Variants in ATP8B1 observed in about 807,000 individuals in gnomAD.
ATP8B1 encodes ATPase phospholipid transporting 8B1, also known as phospholipid-transporting ATPase IC.
Under a neutral mutation model 149.9 loss-of-function variants are expected in ATP8B1, and 80 were observed. The observed-to-expected ratio is 0.53, with a 90% CI of 0.45 to 0.64. ATP8B1 has a LOEUF of 0.64. ATP8B1 is among the 30% of genes least tolerant of loss of function. The pLI, the probability that ATP8B1 is intolerant of heterozygous loss-of-function variation, is 0.00. For missense variants in ATP8B1, 1,247 were observed against 1,552.6 expected (o/e 0.80, Z 3.31); for synonymous variants, 536 against 562.8 (o/e 0.95, Z 0.67).
intron 1 of ATP8B1, among the ~76,000 whole-genome samples, chr18:57,764,279 C>T (rs1402497650): frequency 1.3e-5 from 2 of 150,596 alleles, no homozygotes; most frequent in African/African-American, 4.9e-5. Flanking sequence ...TCCTTCCTTC[C>T]TTCTTTCTTT....
chr18:57,727,863 G>T (rs1464312925), intron 2 of ATP8B1, among the ~76,000 whole-genome samples: 1 of 152,124 alleles, frequency 6.6e-6, no homozygotes, highest in Non-Finnish European at 1.5e-5. Context: ...CACATGCTGA[G>T]AAGTGTGTTC....
chr18:57,742,826 TAAAA>T (rs35306074), intron 1 of ATP8B1, among the ~76,000 whole-genome samples: 1 of 144,038 alleles, frequency 6.9e-6, no homozygotes, highest in African/African-American at 2.5e-5. Flanking sequence ...CCCATCTCTA[TAAAA>T]AAAAAAAAAA....
At chr18:57,771,866 A>G (rs2080266955) in intron 1 of ATP8B1, among the ~76,000 whole-genome samples, 1 of 152,208 alleles carries the variant, frequency 6.6e-6, no homozygotes, top group Non-Finnish European at 1.5e-5. Flanking sequence ...CATGATAAAT[A>G]CCTGGGAAAA....
chr18:57,699,514 ATCATGAGG>A (rs1352983704), intron 6 of ATP8B1, among the ~76,000 whole-genome samples: 1 of 151,562 alleles, frequency 6.6e-6, no homozygotes, highest in African/African-American at 2.4e-5. Flanking sequence ...AGGTGAGTGG[ATCATGAGG>A]TCAGGAGATT....
chr18:57,733,507 C>G (rs1190925067), intron 1 of ATP8B1, among the ~76,000 whole-genome samples: 1 of 152,012 alleles, frequency 6.6e-6, no homozygotes, highest in East Asian at 1.9e-4. Context: ...GAGATCGAGA[C>G]CATCCTGGCT....
intron 1 of ATP8B1, among the ~76,000 whole-genome samples, chr18:57,756,206 T>TAC (rs558354138): frequency 1.3e-5 from 1 of 79,444 alleles, no homozygotes; most frequent in Non-Finnish European, 2.7e-5. Context: ...TATATATATA[T>TAC]ATATACACAC....
chr18:57,661,140 G>T, intron 22 of ATP8B1, 34 bp downstream of exon 22: 3 of 1,610,174 alleles, frequency 1.9e-6, no homozygotes, highest in Non-Finnish European at 2.5e-6. Context: ...TCTCTAGCAC[G>T]TTGGGCCTCA....
intron 15 of ATP8B1, among the ~76,000 whole-genome samples, chr18:57,677,206 A>G (rs535384518): frequency 6.6e-6 from 1 of 152,302 alleles, no homozygotes; most frequent in Admixed American, 6.5e-5. Flanking sequence ...AGGGGGATTG[A>G]TAATGTTCTT....
chr18:57,701,864 T>C (rs1387863538), intron 4 of ATP8B1, among the ~76,000 whole-genome samples: 2 of 151,670 alleles, frequency 1.3e-5, no homozygotes, highest in Non-Finnish European at 2.9e-5. Flanking sequence ...CCCGGCTAAT[T>C]TTTTTGTATT....
chr18:57,662,636 G>A, intron 20 of ATP8B1, 21 bp from the exon 21 acceptor site: 1 of 1,613,802 alleles, frequency 6.2e-7, no homozygotes, highest in Non-Finnish European at 8.5e-7. Context: ...CCAAATTTCA[G>A]TGTTTAAAGT....
intron 1 of ATP8B1, among the ~76,000 whole-genome samples, chr18:57,761,842 C>T (rs76054405): frequency 0.064 from 9,408 of 147,454 alleles, 610 homozygotes; most frequent in East Asian, 0.26. Flanking sequence ...CCAAGCTGCT[C>T]GGGAGGCTGA....
In ATP8B1 at chr18:57,678,179, C is replaced by T. The variant is rs560593123; in HGVS notation, c.1631-3157G>A. 2.0e-5 allele frequency among the ~76,000 whole-genome samples: 3 copies of T among 152,288 alleles called. No individual in the cohort carries two copies. In the South Asian group the frequency reaches 6.2e-4, roughly 32 times the overall value. On this transcript the variant is annotated intron_variant, in intron 15 of 27. Coordinates refer to ENST00000648908, the MANE Select transcript of ATP8B1 (RefSeq NM_001374385.1). ...AAATTAACTCAGGAACAGAAGACCA[C>T]ATACCTACCACATGTTCTCACTTAA...
At chr18:57,765,519 A>C (rs2080203042) in intron 1 of ATP8B1, among the ~76,000 whole-genome samples, 1 of 152,044 alleles carries the variant, frequency 6.6e-6, no homozygotes, top group African/African-American at 2.4e-5. Context: ...AATACAAAAA[A>C]TTAGCCAGAC....
intron 1 of ATP8B1, among the ~76,000 whole-genome samples, chr18:57,761,944 TAAAAAAAAAAA>T (rs71171087): frequency 1.0e-5 from 1 of 98,220 alleles, no homozygotes; most frequent in Non-Finnish European, 1.9e-5. Flanking sequence ...GCAAGACTGT[TAAAAAAAAAAA>T]AAAAAAAAAA....
intron 2 of ATP8B1, among the ~76,000 whole-genome samples, chr18:57,721,192 C>T (rs371192480): frequency 7.5e-6 from 1 of 132,512 alleles, no homozygotes; most frequent in African/African-American, 2.8e-5. Flanking sequence ...CATCAACTAA[C>T]GAGCAAAATC....
At chr18:57,778,413 A>G (rs2080328585) in intron 1 of ATP8B1, among the ~76,000 whole-genome samples, 2 of 151,148 alleles carry the variant, frequency 1.3e-5, no homozygotes, top group South Asian at 4.2e-4. Flanking sequence ...TTTTTTTTTA[A>G]TAGAGACGGG....
At chr18:57,669,654 C>CT (rs11326847) in intron 17 of ATP8B1, among the ~76,000 whole-genome samples, 172 bp from the exon 18 acceptor site, 91 of 148,572 alleles carry the variant, frequency 6.1e-4, no homozygotes, top group Middle Eastern at 3.5e-3. Context: ...TTAAATGTCA[C>CT]TTTTTTTTTT....
At chr18:57,799,433 G>A (rs777289053) in intron 1 of ATP8B1, among the ~76,000 whole-genome samples, 25 of 152,120 alleles carry the variant, frequency 1.6e-4, no homozygotes, top group Non-Finnish European at 2.4e-4. Context: ...AAATGAGGCC[G>A]GGTGCGGTGG....
chr18:57,651,655 C>T (rs1167699711), intron 26 of ATP8B1, among the ~76,000 whole-genome samples: 3 of 150,550 alleles, frequency 2.0e-5, no homozygotes, highest in Admixed American at 6.6e-5. Context: ...TTTTTTGAGA[C>T]AGGGTCCCGC....
Sources: gnomAD v4.1 joint callset for allele counts (sites outside exome capture counted in the v4.1 genomes callset) on GRCh38, gnomAD v4.1.1 for gene constraint, MANE v1.5 for transcripts, NCBI Gene and HGNC (gene_info 2026-07-23, HGNC 2026-07-21) for gene names.